Variants in RALGAPB observed in about 807,000 individuals in gnomAD.
RALGAPB encodes ral GTPase-activating protein subunit beta.
Under a neutral mutation model 161.1 loss-of-function variants are expected in RALGAPB, and 25 were observed. The observed-to-expected ratio is 0.16, with a 90% CI of 0.11 to 0.22. RALGAPB has a LOEUF of 0.22. RALGAPB is among the 10% of genes least tolerant of loss of function. The pLI is 1.00. For missense variants in RALGAPB, 1,391 were observed against 1,815.2 expected (o/e 0.77, Z 4.25); for synonymous variants, 629 against 626.1 (o/e 1.00, Z -0.07).
intron 19 of RALGAPB, chr20:38,546,815 C>T (rs1249458912): frequency 5.8e-6 from 1 of 173,626 alleles, no homozygotes; most frequent in Non-Finnish European, 1.2e-5. Context: ...AGGCTAGAAA[C>T]TTGAGGAGTT....
In RALGAPB at chr20:38,558,306, T is replaced by C. The variant is rs2087661135; in HGVS notation, c.3384T>C (p.Asn1128=). The C allele has an allele frequency of 2.0e-6, 3 of 1,518,140 alleles. 1 individual carries two copies. Among genetic ancestry groups the C allele is most frequent in the Middle Eastern group, 3.5e-4 (2 of 5,682 alleles). The allele number at this position is 1,518,140 out of a possible 1,614,324, so 94.0% of individuals were successfully genotyped here. A position where few individuals can be genotyped will look rare whatever the true frequency, so the allele number is the denominator to read the frequency against. The change falls in exon 23 of 30, where the codon AAT becomes AAC. Residue 1128 remains asparagine, a synonymous_variant. Coordinates refer to ENST00000262879, the MANE Select transcript of RALGAPB (RefSeq NM_020336.4). ...LSLEALKEPA[N]SRLPPHLIAL... is the part of the protein sequence containing the mutation. ...TCTTTTGGTGGCAGGAACCTGCAAA[T>C]AGTCGTCTACCTCCTCACCTTATTG...
In RALGAPB at chr20:38,535,061, G is replaced by T. The variant is rs776315287; in HGVS notation, c.2246-13G>T. ...CCCTCCCTGTGGGATGTGGCATTGG[G>T]GTTATATCCTAGCTCTTAATACAGA... On this transcript the variant is annotated splice_polypyrimidine_tract_variant and intron_variant, in intron 15 of 29. Coordinates refer to ENST00000262879, the MANE Select transcript of RALGAPB (RefSeq NM_020336.4). 6.8e-6 allele frequency: 11 copies of T among 1,613,098 alleles called. No homozygotes were observed. Among genetic ancestry groups the T allele is most frequent in the East Asian group, 2.2e-5 (1 of 44,870 alleles).
At chr20:38,537,396 T>C (rs1363716562) in intron 16 of RALGAPB, among the ~76,000 whole-genome samples, 2 of 152,176 alleles carry the variant, frequency 1.3e-5, no homozygotes, top group African/African-American at 4.8e-5. Flanking sequence ...CCCAGCACTT[T>C]GGGAGGCTGA....
At chr20:38,487,412 A>C (rs910909630) in intron 1 of RALGAPB, among the ~76,000 whole-genome samples, 1 of 152,198 alleles carries the variant, frequency 6.6e-6, no homozygotes, top group African/African-American at 2.4e-5. Flanking sequence ...GTTTTGGAAA[A>C]AACATTCTAT....
chr20:38,492,963 C>T lies in RALGAPB; in HGVS notation c.220C>T (p.Leu74=), dbSNP rs1184339944. ...KWTMEVICYG[L]TLPLDGETVK... ...GACCATGGAAGTAATTTGCTATGGA[C>T]TGACCCTTCCATTGGATGGAGAGAC... Residue 74 remains leucine, a synonymous_variant, in exon 3 of 30, where the codon CTG becomes TTG. Transcript: ENST00000262879. The T allele has an allele frequency of 6.2e-7, 1 of 1,611,948 alleles. No homozygotes were observed. Among genetic ancestry groups the T allele is most frequent in the Non-Finnish European group, 8.5e-7 (1 of 1,178,180 alleles).
intron 1 of RALGAPB, among the ~76,000 whole-genome samples, chr20:38,481,146 C>G (rs1010281312): frequency 2.0e-5 from 3 of 152,178 alleles, no homozygotes; most frequent in Admixed American, 6.5e-5. Flanking sequence ...GTAGTCTTTC[C>G]TGATCTTACC....
Position 38,570,749 on chromosome 20 carries a change from A to G in RALGAPB, c.4064-20A>G. Reference sequence around the variant, plus strand: ...GAAAATGAGGGAGATATTAATTGTAATGCTATTATTTTCTTCCAGAAAACT... The same window carrying G: ...GAAAATGAGGGAGATATTAATTGTAGTGCTATTATTTTCTTCCAGAAAACT... On this transcript the variant is annotated intron_variant, in intron 27 of 29. Transcript: ENST00000262879. 1 of 1,480,732 alleles carries G rather than the reference A, an allele frequency of 6.8e-7. No individual in the cohort carries two copies. The highest frequency in any genetic ancestry group is 9.4e-7 in the Non-Finnish European group (1 of 1,062,782). 91.7% of individuals were successfully genotyped at this position (1,480,732 alleles called of 1,614,324 possible).
chr20:38,570,486 A>T (rs1337352283), intron 27 of RALGAPB, among the ~76,000 whole-genome samples: 3 of 152,214 alleles, frequency 2.0e-5, no homozygotes, highest in Non-Finnish European at 2.9e-5. Flanking sequence ...AATCCCATCC[A>T]GCCCAGAGTT....
In RALGAPB at chr20:38,569,944, T is replaced by C. The variant is rs1413391408; in HGVS notation, c.4011T>C (p.Leu1337=). Reference sequence around the variant, plus strand: ...CTCAGGGTCGCCCTGTTCCTCCCCTTGGACCTGAGACAAGAGTTTCTGTAG... The same window carrying C: ...CTCAGGGTCGCCCTGTTCCTCCCCTCGGACCTGAGACAAGAGTTTCTGTAG... ...KLPQGRPVPP[L]GPETRVSVVW... Residue 1337 remains leucine (L), a synonymous_variant, in exon 27 of 30, where the codon CTT becomes CTC. Transcript: ENST00000262879. 1 of 1,613,666 alleles carries C rather than the reference T, an allele frequency of 6.2e-7. No homozygotes were observed. The highest frequency in any genetic ancestry group is 1.3e-5 in the African/African-American group (1 of 75,014).
In RALGAPB at chr20:38,509,085, G is replaced by A. The variant is rs765077296; in HGVS notation, c.749G>A (p.Arg250His). 3.7e-5 allele frequency: 60 copies of A among 1,613,362 alleles called. No individual in the cohort carries two copies. The highest frequency in any genetic ancestry group is 2.3e-4 in the Admixed American group (14 of 59,986). The stretch of plus-strand genomic sequence containing the variant: ...GTGCATTTATTTTCTAGATTGCTAC[G>A]CTTTACATATGGTCCTTCATTTCCT... ...VICALTSRLL[R>H]FTYGPSFPAF... The change falls in exon 6 of 30, where the codon CGC (arginine) becomes CAC (histidine). Residue 250 changes from arginine to histidine, a missense_variant. Physicochemically the swap from Arg to His is conservative, Grantham distance 29. Around this residue, in one of 3 missense-constraint regions of RALGAPB, gnomAD observed 946 missense variants for 1,257.2 expected, o/e 0.75. Coordinates refer to ENST00000262879, the MANE Select transcript of RALGAPB (RefSeq NM_020336.4).
intron 1 of RALGAPB, 75 bp downstream of exon 1, chr20:38,473,144 G>A: frequency 3.0e-6 from 1 of 330,210 alleles, no homozygotes; most frequent in Non-Finnish European, 5.5e-6. Flanking sequence ...GGCGGTCAAG[G>A]GACGGCTGAG....
At chr20:38,553,162 T>A (rs2087436396) in intron 21 of RALGAPB, among the ~76,000 whole-genome samples, 1 of 152,158 alleles carries the variant, frequency 6.6e-6, no homozygotes, top group South Asian at 2.1e-4. Context: ...GCAGGGCACA[T>A]ATCAGGTTCA....
At position 38,510,906 on chromosome 20, in the gene RALGAPB, T is replaced by A. The variant is rs1290097195; in HGVS notation, c.872+1698T>A. Among the ~76,000 whole-genome samples the A allele has an allele frequency of 6.1e-5, 7 of 113,978 alleles. No homozygotes were observed. The South Asian group carries it at 1.6e-3, about 25-fold the overall frequency. 74.8% of individuals were successfully genotyped at this position (113,978 alleles called of 152,430 possible). Reference sequence around the variant, plus strand: ...GCCTGGGCGACAGAGCGAGACTCCGTCTCAAAAAAAAAAAAAAAAAGAAAA... The same window carrying A: ...GCCTGGGCGACAGAGCGAGACTCCGACTCAAAAAAAAAAAAAAAAAGAAAA... On this transcript the variant is annotated intron_variant, in intron 6 of 29. Coordinates refer to ENST00000262879, the MANE Select transcript of RALGAPB (RefSeq NM_020336.4).
intron 9 of RALGAPB, among the ~76,000 whole-genome samples, chr20:38,519,011 T>C (rs1404990253): frequency 6.6e-6 from 1 of 152,190 alleles, no homozygotes; most frequent in African/African-American, 2.4e-5. Context: ...AGAACTAGGA[T>C]CTATGTCTGT....
intron 12 of RALGAPB, 128 bp downstream of exon 12, chr20:38,525,646 T>A: frequency 1.1e-6 from 1 of 876,542 alleles, no homozygotes; most frequent in Non-Finnish European, 1.8e-6. Context: ...CATCAAGTTA[T>A]TTCAAGTGAA....
intron 23 of RALGAPB, among the ~76,000 whole-genome samples, chr20:38,561,270 G>A (rs1323485553): frequency 1.3e-5 from 2 of 152,244 alleles, no homozygotes; most frequent in African/African-American, 2.4e-5. Flanking sequence ...CTTGCAGTGA[G>A]CAGAGATTGC....
intron 9 of RALGAPB, among the ~76,000 whole-genome samples, chr20:38,520,537 T>C (rs2123110915): frequency 6.6e-6 from 1 of 150,622 alleles, no homozygotes; most frequent in East Asian, 1.9e-4. Context: ...TTTTTTTTTT[T>C]TTTTTTTTTA....
At chr20:38,475,069 AAC>A (rs1313943716) in intron 1 of RALGAPB, among the ~76,000 whole-genome samples, 1 of 152,212 alleles carries the variant, frequency 6.6e-6, no homozygotes, top group African/African-American at 2.4e-5. Context: ...ATGTGCAATC[AAC>A]ATTGTTTGAT....
At chr20:38,558,264 A>T in intron 22 of RALGAPB, 31 bp from the exon 23 acceptor site, 1 of 1,453,722 alleles carries the variant, frequency 6.9e-7, no homozygotes, top group African/African-American at 1.4e-5. Flanking sequence ...GAAAATAGGT[A>T]ATAATTGCTC....
Sources: allele counts gnomAD v4.1 joint callset (sites outside exome capture counted in the v4.1 genomes callset), GRCh38; gene constraint gnomAD v4.1.1; regional missense constraint gnomAD v4.1.1; transcripts MANE v1.5; gene names NCBI Gene and HGNC (gene_info 2026-07-23, HGNC 2026-07-21).